Variants in SLC6A7 observed in about 807,000 individuals in gnomAD.
SLC6A7 encodes the protein sodium-dependent proline transporter.
In SLC6A7, 58 loss-of-function variants were observed where a neutral mutation model predicts 73.1. That is an observed-to-expected ratio of 0.79 (90% confidence interval 0.64 to 0.99). The LOEUF (loss-of-function observed/expected upper bound fraction) is 0.99, where lower values mean the gene tolerates loss of function less well. SLC6A7 is among the 50% of genes least tolerant of loss of function. The probability of loss-of-function intolerance (pLI) is 0.00; values close to 1 mark genes in which losing one functional copy is unlikely to be tolerated. For missense variants in SLC6A7, 783 were observed against 831.4 expected (o/e 0.94, Z 0.72); for synonymous variants, 338 against 338.7 (o/e 1.00, Z 0.02).
chr5:150,194,286 G>A (rs1274566152), intron 1 of SLC6A7, among the ~76,000 whole-genome samples: 4 of 151,964 alleles, frequency 2.6e-5, no homozygotes, highest in Non-Finnish European at 4.4e-5. Flanking sequence ...AACATTAGCC[G>A]GGCGTGGTGG....
chr5:150,208,813 G>T (rs537876764), intron 13 of SLC6A7, among the ~76,000 whole-genome samples: 1 of 152,160 alleles, frequency 6.6e-6, no homozygotes, highest in East Asian at 1.9e-4. Context: ...TAGTCACCCC[G>T]ACTCCGTCCA....
chr5:150,191,828 C>T (rs1338786968), intron 1 of SLC6A7, among the ~76,000 whole-genome samples: 2 of 152,042 alleles, frequency 1.3e-5, no homozygotes, highest in Non-Finnish European at 2.9e-5. Context: ...CTTCTCTTCC[C>T]TCTCTGCCCT....
At chr5:150,194,186 T>C (rs1752907880) in intron 1 of SLC6A7, among the ~76,000 whole-genome samples, 1 of 152,098 alleles carries the variant, frequency 6.6e-6, no homozygotes, top group African/African-American at 2.4e-5. Context: ...TCCCAGCACT[T>C]TGGGAGGCCG....
Position 150,198,811 on chromosome 5 carries a change from G to GGTGTGTGT in SLC6A7, c.585-371_585-364dup, listed in dbSNP as rs774414750. 6.1e-3 allele frequency among the ~76,000 whole-genome samples: 687 copies of GGTGTGTGT among 112,030 alleles called. 2 individuals carry two copies. The highest frequency in any genetic ancestry group is 9.9e-3 in the East Asian group (36 of 3,634). 73.5% of individuals were successfully genotyped at this position (112,030 alleles called of 152,430 possible). ...ACACAGTCATGGCCAGGCCCTGGAT[G>GGTGTGTGT]GTGTGTGTGTGTGTGTGTGTGTGTG... On this transcript the variant is annotated intron_variant, in intron 4 of 13. Transcript: ENST00000230671.
chr5:150,203,655 C>A lies in SLC6A7; in HGVS notation c.1088-12C>A. 8 of 1,471,918 alleles carry A rather than the reference C, an allele frequency of 5.4e-6. No individual in the cohort carries two copies. The highest frequency in any genetic ancestry group is 7.6e-6 in the Non-Finnish European group (8 of 1,050,444). The allele number at this position is 1,471,918 out of a possible 1,614,324, so 91.2% of individuals were successfully genotyped here. On this transcript the variant is annotated splice_polypyrimidine_tract_variant and intron_variant, in intron 8 of 13. Coordinates refer to ENST00000230671, the MANE Select transcript of SLC6A7 (RefSeq NM_014228.5). ...TGACCCAAGCTGCTGACCCCGTGTG[C>A]CCCTGGCCCAGGCCCTGGCCTGGCC...
intron 1 of SLC6A7, 148 bp from the exon 2 acceptor site, chr5:150,194,580 A>G: frequency 3.1e-6 from 2 of 648,410 alleles, no homozygotes; most frequent in South Asian, 2.0e-5. Flanking sequence ...GCATATGACA[A>G]GGTTAGTCCA....
chr5:150,203,819 TG>T (rs760935110), intron 9 of SLC6A7, 40 bp downstream of exon 9: 55 of 1,292,516 alleles, frequency 4.3e-5, no homozygotes, highest in Middle Eastern at 1.9e-4. Context: ...CGTGTGTGTG[TG>T]GTGTGTGTGT....
chr5:150,194,351 C>A (rs531754833), intron 1 of SLC6A7, among the ~76,000 whole-genome samples: 46 of 151,800 alleles, frequency 3.0e-4, no homozygotes, highest in Admixed American at 2.8e-3. Flanking sequence ...ATTGCTTGAA[C>A]CCGGGAGGTG....
At chr5:150,201,634 A>C (rs1753388092) in intron 6 of SLC6A7, among the ~76,000 whole-genome samples, 1 of 152,176 alleles carries the variant, frequency 6.6e-6, no homozygotes, top group Non-Finnish European at 1.5e-5. Context: ...CAGAGGAATA[A>C]ACTGAGGCTC....
rs1163472561 is a variant in SLC6A7, at chr5:150,210,537, T to A, written c.*922T>A. On this transcript the variant is annotated 3_prime_UTR_variant, in exon 14 of 14. Coordinates refer to ENST00000230671, the MANE Select transcript of SLC6A7 (RefSeq NM_014228.5). ...TGAGCCAGGGTGCTGGGGCTGCGGG[T>A]GGGGAAAGGAGGCCCCAGCACTTCA... 5 of 151,990 alleles carry A rather than the reference T, an allele frequency of 3.3e-5. No individual in the cohort carries two copies. The highest frequency in any genetic ancestry group is 1.2e-4 in the African/African-American group (5 of 41,248). The allele number at this position is 151,990 out of a possible 1,614,324, so 9.4% of individuals were successfully genotyped here. A position where few individuals can be genotyped will look rare whatever the true frequency, so the allele number is the denominator to read the frequency against.
Position 150,202,457 on chromosome 5 carries a change from G to A in SLC6A7, c.962+7G>A, listed in dbSNP as rs1232925486. The stretch of plus-strand genomic sequence containing the variant: ...TTCACCAGAACATCTATAGGTCAGT[G>A]TCCCACAGCCTCCCAGACCCTGGGG... On this transcript the variant is annotated splice_region_variant and intron_variant, in intron 7 of 13. Transcript: ENST00000230671. 6.2e-7 allele frequency: 1 copy of A among 1,613,052 alleles called. No homozygotes were observed. The highest frequency in any genetic ancestry group is 1.3e-5 in the African/African-American group (1 of 75,026).
Position 150,203,964 on chromosome 5 carries a change from C to T in SLC6A7, c.1258C>T (p.Arg420Trp), listed in dbSNP as rs761241039. Residue 420 changes from arginine (R) to tryptophan (W), a missense_variant, in exon 10 of 14, where the codon CGG becomes TGG. Coordinates refer to ENST00000230671, the MANE Select transcript of SLC6A7 (RefSeq NM_014228.5). ...GACAGATGAGTTCCCATACTACCTG[C>T]GGCCCAAGAAGGCGGTGTTCTCAGG... ...AVTDEFPYYLRPKKAVFSGLI... is the reference protein window; with the variant it reads ...AVTDEFPYYLWPKKAVFSGLI... 1.5e-5 allele frequency: 24 copies of T among 1,613,538 alleles called. No individual in the cohort carries two copies. The highest frequency in any genetic ancestry group is 7.7e-5 in the South Asian group (7 of 91,058).
chr5:150,192,329 G>A (rs569589544), intron 1 of SLC6A7, among the ~76,000 whole-genome samples: 2 of 152,264 alleles, frequency 1.3e-5, no homozygotes, highest in African/African-American at 4.8e-5. Flanking sequence ...CTTGGCTTGG[G>A]CAGTCTTGAG....
At position 150,190,165 on chromosome 5, in the gene SLC6A7, G is replaced by A. The variant is rs535739282; in HGVS notation, c.-163G>A. On this transcript the variant is annotated 5_prime_UTR_variant, in exon 1 of 14. Transcript: ENST00000230671. ...AAGGCATTCGCAGCGCCCTGCCCGC[G>A]CTCCACGCCCGCAGCCGCCAGACGG... The A allele has an allele frequency of 5.1e-5, 27 of 530,110 alleles. No homozygotes were observed. Among genetic ancestry groups the A allele is most frequent in the African/African-American group, 5.1e-4 (25 of 49,178 alleles). The allele number at this position is 530,110 out of a possible 1,614,324, so 32.8% of individuals were successfully genotyped here.
At chr5:150,192,673 T>C (rs752224509) in intron 1 of SLC6A7, among the ~76,000 whole-genome samples, 3 of 151,988 alleles carry the variant, frequency 2.0e-5, no homozygotes, top group African/African-American at 7.2e-5. Flanking sequence ...TTCCCTCTGA[T>C]TGGGGGAGGA....
intron 2 of SLC6A7, among the ~76,000 whole-genome samples, chr5:150,196,024 C>T (rs1562080260): frequency 6.6e-6 from 1 of 152,324 alleles, no homozygotes; most frequent in East Asian, 1.9e-4. Flanking sequence ...AAGAGCTTTG[C>T]AGAACTGCTC....
intron 5 of SLC6A7, among the ~76,000 whole-genome samples, chr5:150,200,175 T>TG (rs1753293058): frequency 6.6e-6 from 1 of 151,792 alleles, no homozygotes; most frequent in Non-Finnish European, 1.5e-5. Flanking sequence ...GATGAAGGGG[T>TG]GGAAAGGACG....
intron 4 of SLC6A7, among the ~76,000 whole-genome samples, chr5:150,198,099 GAAAGAAA>G (rs1261577028): frequency 1.4e-4 from 15 of 109,494 alleles, no homozygotes; most frequent in African/African-American, 4.0e-4. Context: ...AAGAAAGAAA[GAAAGAAA>G]GAAAGAAAGA....
intron 4 of SLC6A7, among the ~76,000 whole-genome samples, chr5:150,198,623 G>T (rs1327924644): frequency 6.6e-6 from 1 of 152,196 alleles, no homozygotes. Context: ...TTTCACTGAA[G>T]GGAGTTTAGT....
Sources: gnomAD v4.1 joint callset for allele counts (sites outside exome capture counted in the v4.1 genomes callset) on GRCh38, gnomAD v4.1.1 for gene constraint, MANE v1.5 for transcripts, NCBI Gene and HGNC (gene_info 2026-07-23, HGNC 2026-07-21) for gene names.